WLS: variants seen among roughly 807,000 people sequenced by gnomAD.
WLS encodes the protein protein wntless homolog.
Under a neutral mutation model 62.8 loss-of-function variants are expected in WLS, and 23 were observed. The ratio of observed to expected loss-of-function variants is 0.37; its 90% CI spans 0.26 to 0.52. The LOEUF (loss-of-function observed/expected upper bound fraction) is 0.52, where lower values mean the gene tolerates loss of function less well. Ranked by LOEUF, WLS falls within the 20% of genes least tolerant of loss-of-function variation. WLS has a pLI of 0.92. For synonymous variants in WLS, 246 were observed against 244.1 expected, an observed-to-expected ratio of 1.01 and a Z score of -0.07; for missense variants, 615 against 697.3, an observed-to-expected ratio of 0.88 and a Z score of 1.33.
Position 68,125,922 on chromosome 1 carries a change from C to G in WLS, c.*304G>C. 6 of 1,123,256 alleles carry G rather than the reference C, an allele frequency of 5.3e-6. No homozygotes were observed. The highest frequency in any genetic ancestry group is 6.5e-6 in the Non-Finnish European group (6 of 916,482). 69.6% of individuals were successfully genotyped at this position (1,123,256 alleles called of 1,614,324 possible). On this transcript the variant is annotated 3_prime_UTR_variant, in exon 12 of 12. Coordinates refer to ENST00000262348, the MANE Select transcript of WLS (RefSeq NM_024911.7). Reference sequence around the variant, plus strand: ...AAGGAATACACCCCCACCCCACCCCCACATGAGGTTTACTAACCAGCTGCT... The same window carrying G: ...AAGGAATACACCCCCACCCCACCCCGACATGAGGTTTACTAACCAGCTGCT...
chr1:68,186,682 A>G, intron 2 of WLS: 1 of 456,118 alleles, frequency 2.2e-6, no homozygotes, highest in Non-Finnish European at 4.4e-6. Flanking sequence ...AATGATAAAC[A>G]ATATAAAAAG....
chr1:68,218,111 C>T (rs975002017), intron 1 of WLS, among the ~76,000 whole-genome samples: 8 of 152,132 alleles, frequency 5.3e-5, no homozygotes, highest in Non-Finnish European at 1.0e-4. Context: ...AAGCAGCATA[C>T]ACAATAAACT....
intron 11 of WLS, among the ~76,000 whole-genome samples, chr1:68,107,261 C>A (rs1488986876): frequency 6.6e-6 from 1 of 151,576 alleles, no homozygotes; most frequent in Non-Finnish European, 1.5e-5. Flanking sequence ...TATGTCTGTA[C>A]CATTGTTGAA....
chr1:68,192,716 G>T (rs1648384305), intron 2 of WLS, among the ~76,000 whole-genome samples: 1 of 145,510 alleles, frequency 6.9e-6, no homozygotes, highest in South Asian at 2.2e-4. Flanking sequence ...CTGAACTCCA[G>T]CCTGGGCCAG....
At chr1:68,171,688 A>G (rs2100542386) in intron 2 of WLS, among the ~76,000 whole-genome samples, 1 of 152,336 alleles carries the variant, frequency 6.6e-6, no homozygotes, top group African/African-American at 2.4e-5. Context: ...GATGTGGAGA[A>G]ATAGGAACAC....
chr1:68,173,207 C>T (rs1647180977), intron 2 of WLS, among the ~76,000 whole-genome samples: 1 of 152,230 alleles, frequency 6.6e-6, no homozygotes, highest in Non-Finnish European at 1.5e-5. Context: ...TCTAAGTTAG[C>T]AAGTGTTAAA....
chr1:68,156,656 A>C (rs1282523883), intron 3 of WLS, among the ~76,000 whole-genome samples: 2 of 152,228 alleles, frequency 1.3e-5, no homozygotes, highest in Non-Finnish European at 2.9e-5. Flanking sequence ...CAGACACACC[A>C]GTTGATTAGA....
At chr1:68,184,556 T>G (rs905894769) in intron 2 of WLS, among the ~76,000 whole-genome samples, 6 of 152,214 alleles carry the variant, frequency 3.9e-5, no homozygotes. Flanking sequence ...ACATCCAGAC[T>G]CTAAATGTTA....
At chr1:68,183,076 T>C (rs1647681011) in intron 2 of WLS, among the ~76,000 whole-genome samples, 1 of 152,026 alleles carries the variant, frequency 6.6e-6, no homozygotes, top group Non-Finnish European at 1.5e-5. Flanking sequence ...AATTTTTGTA[T>C]AGACAGGGTT....
Position 68,126,216 on chromosome 1 carries a change from C to T in WLS, c.*10G>A, listed in dbSNP as rs774666930. On this transcript the variant is annotated 3_prime_UTR_variant, in exon 12 of 12. Coordinates refer to ENST00000262348, the MANE Select transcript of WLS (RefSeq NM_024911.7). ...ATGGAGAGACCGTCCCAGCCGGGCG[C>T]TGCAGCCTCCTACTCCTGGGCCTCC... is the stretch of plus-strand genomic sequence containing the variant. 43 of 1,613,980 alleles carry T rather than the reference C, an allele frequency of 2.7e-5. No homozygotes were observed. Among genetic ancestry groups the T allele is most frequent in the Non-Finnish European group, 2.5e-5 (30 of 1,180,024 alleles).
chr1:68,162,315 C>G, intron 2 of WLS: 1 of 1,613,668 alleles, frequency 6.2e-7, no homozygotes, highest in East Asian at 2.2e-5. Flanking sequence ...GCCTCATCTG[C>G]TTTATGGTAA....
chr1:68,118,875 CAAAAAAAAAAAAAA>C (rs33982774), intron 11 of WLS, among the ~76,000 whole-genome samples: 1 of 26,384 alleles, frequency 3.8e-5, no homozygotes, highest in Non-Finnish European at 7.0e-5. Flanking sequence ...GACTCTGTCT[CAAAAAAAAAAAAAA>C]AAAAAAAAAA....
At chr1:68,112,404 C>T (rs887510944) in intron 11 of WLS, among the ~76,000 whole-genome samples, 9 of 152,198 alleles carry the variant, frequency 5.9e-5, no homozygotes, top group African/African-American at 1.2e-4. Context: ...CTACTTCTCA[C>T]GCTCTAGTTC....
chr1:68,146,268 A>C (rs1247337875), intron 8 of WLS, among the ~76,000 whole-genome samples: 2 of 152,232 alleles, frequency 1.3e-5, no homozygotes, highest in African/African-American at 4.8e-5. Context: ...GCTTGTTAGA[A>C]ATGAAGAATC....
chr1:68,210,165 G>A (rs868368331), intron 1 of WLS, among the ~76,000 whole-genome samples: 20 of 152,288 alleles, frequency 1.3e-4, no homozygotes, highest in Middle Eastern at 3.4e-3. Context: ...TAGGAAAATG[G>A]TGCTCTCCTT....
intron 2 of WLS, among the ~76,000 whole-genome samples, chr1:68,188,946 C>T (rs930268120): frequency 3.3e-5 from 5 of 152,222 alleles, no homozygotes; most frequent in Admixed American, 6.5e-5. Context: ...CTAAAAGAGT[C>T]TCCTCCTTAT....
At chr1:68,187,143 C>T (rs1202807405) in intron 2 of WLS, among the ~76,000 whole-genome samples, 4 of 136,758 alleles carry the variant, frequency 2.9e-5, no homozygotes, top group South Asian at 2.3e-4. Flanking sequence ...AACCCGGGAT[C>T]GTGCCACTGC....
At chr1:68,168,117 G>T (rs1484131976) in intron 2 of WLS, among the ~76,000 whole-genome samples, 23 of 152,130 alleles carry the variant, frequency 1.5e-4, no homozygotes, top group Admixed American at 1.5e-3. Context: ...TGGGAGGGGG[G>T]TGCTAGAAAT....
At chr1:68,230,350 T>C (rs917579892) in intron 1 of WLS, among the ~76,000 whole-genome samples, 1 of 152,140 alleles carries the variant, frequency 6.6e-6, no homozygotes, top group Non-Finnish European at 1.5e-5. Context: ...TTAATTATGG[T>C]CTGCCACTGA....
Sources: allele counts gnomAD v4.1 joint callset (sites outside exome capture counted in the v4.1 genomes callset), GRCh38; gene constraint gnomAD v4.1.1; transcripts MANE v1.5; gene names NCBI Gene and HGNC (gene_info 2026-07-23, HGNC 2026-07-21).